The following CFAP251 variants were observed in gnomAD, a reference collection of about 807,000 sequenced individuals.
The protein encoded by CFAP251 is cilia and flagella associated protein 251.
A neutral mutation model predicts 126.7 loss-of-function variants in CFAP251; 93 were observed. That is an observed-to-expected ratio of 0.73 (90% CI 0.62 to 0.87). The LOEUF is 0.87. Among genes scored for constraint, CFAP251 ranks in the 40% least tolerant of loss-of-function variants. The pLI, the probability that CFAP251 is intolerant of heterozygous loss-of-function variation, is 0.00. For synonymous variants in CFAP251, 503 were observed against 506.9 expected (o/e 0.99, Z 0.10); for missense variants, 1,287 against 1,389.2 (o/e 0.93, Z 1.17).
At position 121,931,876 on chromosome 12, in the gene CFAP251, AC is replaced by A; in HGVS notation, c.880del (p.His294ThrfsTer32). 3 of 1,568,070 alleles carry A rather than the reference AC, an allele frequency of 1.9e-6. No individual in the cohort carries two copies. The highest frequency in any genetic ancestry group is 1.2e-5 in the South Asian group (1 of 83,176). ...TACAACGTGTTCAGGAACAATCAAT[AC>A]CACCTTCAGGTATGCAGGGATTTCC... is the stretch of plus-strand genomic sequence containing the variant. ...IIYNVFRNNQYHLQGHANIIS... is the reference protein window; with the variant it reads ...IIYNVFRNNQXHLQGHANIIS... On this transcript the variant is annotated frameshift_variant, in exon 4 of 22. Coordinates refer to ENST00000288912, the MANE Select transcript of CFAP251 (RefSeq NM_144668.6). LOFTEE classifies it high-confidence loss of function.
intron 10 of CFAP251, among the ~76,000 whole-genome samples, 155 bp downstream of exon 10, chr12:121,954,489 C>T (rs951230077): frequency 2.6e-5 from 4 of 151,470 alleles, no homozygotes; most frequent in Non-Finnish European, 5.9e-5. Context: ...TCAAGACCAG[C>T]CTGGGCAACA....
intron 17 of CFAP251, among the ~76,000 whole-genome samples, chr12:121,970,592 T>C (rs1443081044): frequency 6.6e-6 from 1 of 152,250 alleles, no homozygotes; most frequent in Non-Finnish European, 1.5e-5. Flanking sequence ...ACTGTATGGA[T>C]TGCTGGGTAC....
intron 17 of CFAP251, 61 bp from the exon 18 acceptor site, chr12:121,975,183 C>A: frequency 6.8e-7 from 1 of 1,460,706 alleles, no homozygotes; most frequent in Non-Finnish European, 9.6e-7. Flanking sequence ...TGCGGACCAC[C>A]TTCTGAGCCA....
chr12:121,994,451 G>A (rs1593008503), intron 19 of CFAP251, among the ~76,000 whole-genome samples: 1 of 98,246 alleles, frequency 1.0e-5, no homozygotes, highest in African/African-American at 3.5e-5. Flanking sequence ...CCCCGTCTGG[G>A]ACGTGTGCCC....
At chr12:121,966,826 C>T (rs889161947) in intron 15 of CFAP251, 129 bp from the exon 16 acceptor site, 19 of 710,568 alleles carry the variant, frequency 2.7e-5, no homozygotes, top group East Asian at 7.9e-5. Flanking sequence ...CCTTGTGATC[C>T]GCCTGCCTTG....
intron 1 of CFAP251, among the ~76,000 whole-genome samples, chr12:121,920,541 C>T (rs1310576925): frequency 4.6e-5 from 7 of 151,954 alleles, no homozygotes; most frequent in African/African-American, 7.2e-5. Context: ...GGACTACAGG[C>T]GCCCACCGCC....
intron 17 of CFAP251, chr12:121,971,511 G>A (rs1480683097): frequency 1.4e-6 from 1 of 702,190 alleles, no homozygotes; most frequent in East Asian, 2.7e-5. Flanking sequence ...CAGGGCCGGG[G>A]CCTGCACTGA....
intron 19 of CFAP251, among the ~76,000 whole-genome samples, chr12:121,982,531 A>G (rs1971955): frequency 0.82 from 124,707 of 152,048 alleles, 51,336 homozygotes; most frequent in Middle Eastern, 0.87. Flanking sequence ...GGCATGCGCC[A>G]TCTTGCCTGG....
At chr12:121,944,675 T>C (rs1313607293) in intron 7 of CFAP251, among the ~76,000 whole-genome samples, 1 of 152,358 alleles carries the variant, frequency 6.6e-6, no homozygotes, top group East Asian at 1.9e-4. Context: ...ATTTCTGTTT[T>C]AGATTGTTCA....
chr12:121,961,270 TCTCCCTCC>T (rs1039673502), intron 14 of CFAP251, among the ~76,000 whole-genome samples: 19 of 128,320 alleles, frequency 1.5e-4, no homozygotes, highest in Non-Finnish European at 2.4e-4. Context: ...TCTCCCCCTC[TCTCCCTCC>T]CTCCCTTCCT....
intron 3 of CFAP251, among the ~76,000 whole-genome samples, chr12:121,926,258 A>G (rs1388891656): frequency 1.3e-5 from 2 of 151,702 alleles, no homozygotes; most frequent in Non-Finnish European, 2.9e-5. Context: ...AGCTTATTGC[A>G]TGTATCTTCT....
rs1881628511 is a variant in CFAP251, at chr12:121,954,135, G to C, written c.1336G>C (p.Val446Leu). The change falls in exon 10 of 22, where the codon GTG becomes CTG. Residue 446 changes from valine to leucine, a missense_variant. Physicochemically the swap from Val to Leu is conservative, Grantham distance 32 (BLOSUM62 1). Transcript: ENST00000288912. Reference protein sequence around the residue: ...LLTEKTFNKLVGKFSQSIFHL... With the variant: ...LLTEKTFNKLLGKFSQSIFHL... ...TTTGAAACAGACCTTCAACAAGCTTGTGGGAAAGTTTAGCCAGTCCATCTT... is the reference window on the plus strand; with the variant it reads ...TTTGAAACAGACCTTCAACAAGCTTCTGGGAAAGTTTAGCCAGTCCATCTT... 2 of 1,614,006 alleles carry C rather than the reference G, an allele frequency of 1.2e-6. No individual in the cohort carries two copies. Among genetic ancestry groups the C allele is most frequent in the Non-Finnish European group, 1.7e-6 (2 of 1,179,976 alleles).
Position 121,921,491 on chromosome 12 carries a change from G to GGAGGAGGTGGAGAAA in CFAP251, c.193_194insTGGAGAAAGAGGAGG (p.Glu64_Glu65insValGluLysGluGlu), listed in dbSNP as rs1880172570. On this transcript the variant is annotated inframe_insertion, in exon 2 of 22. Transcript: ENST00000288912. ...AGAGGAAAACGGGCGAGGAGGAAGG[G>GGAGGAGGTGGAGAAA]GAGGAGGAGGGGAAGGAGGACAAAA... The GGAGGAGGTGGAGAAA allele has an allele frequency of 6.2e-7, 1 of 1,606,712 alleles. No individual in the cohort carries two copies. Among genetic ancestry groups the GGAGGAGGTGGAGAAA allele is most frequent in the Admixed American group, 1.7e-5 (1 of 59,080 alleles).
rs1881893256 is a variant in CFAP251, at chr12:121,960,469, C to T, written c.2134-116C>T. 14 of 1,119,542 alleles carry T rather than the reference C, an allele frequency of 1.3e-5. No individual in the cohort carries two copies. The South Asian group carries it at 1.5e-4, about 12-fold the overall frequency. The allele number at this position is 1,119,542 out of a possible 1,614,324, so 69.4% of individuals were successfully genotyped here. A position where few individuals can be genotyped will look rare whatever the true frequency, so the allele number is the denominator to read the frequency against. On this transcript the variant is annotated intron_variant, in intron 13 of 21. Transcript: ENST00000288912. ...CCGACCTCAGGTGATCCACCCGCCT[C>T]GGCCTCCCAAAGTGCTGGGATTACA...
At chr12:121,928,646 A>ATACG (rs1565902575) in intron 3 of CFAP251, among the ~76,000 whole-genome samples, 328 of 20,860 alleles carry the variant, frequency 0.016, 16 homozygotes, top group East Asian at 0.11. Flanking sequence ...ACGTATATAT[A>ATACG]TATATATATA....
chr12:121,928,689 CGT>C (rs1491326575), intron 3 of CFAP251, among the ~76,000 whole-genome samples: 3 of 20,702 alleles, frequency 1.4e-4, no homozygotes, highest in South Asian at 1.0e-3. Context: ...TATATATATA[CGT>C]ATATATATAT....
At chr12:121,971,038 C>G (rs1429802810) in intron 17 of CFAP251, among the ~76,000 whole-genome samples, 1 of 152,214 alleles carries the variant, frequency 6.6e-6, no homozygotes, top group Non-Finnish European at 1.5e-5. Flanking sequence ...AGGCTGTTCT[C>G]AGAGGACCAG....
Position 122,003,864 on chromosome 12 carries a change from C to G in CFAP251, c.*100C>G. On this transcript the variant is annotated 3_prime_UTR_variant, in exon 22 of 22. Transcript: ENST00000288912. ...ACTGCTTTTTATGCATTTCCCTCCCCCCTCTCATCTTTAGAACATTTAGAC... is the reference window on the plus strand; with the variant it reads ...ACTGCTTTTTATGCATTTCCCTCCCGCCTCTCATCTTTAGAACATTTAGAC... The G allele has an allele frequency of 1.1e-5, 9 of 819,088 alleles. No homozygotes were observed. Among genetic ancestry groups the G allele is most frequent in the Non-Finnish European group, 1.6e-5 (9 of 546,526 alleles). The allele number at this position is 819,088 out of a possible 1,614,324, so 50.7% of individuals were successfully genotyped here.
chr12:121,998,918 A>AAAG lies in CFAP251; in HGVS notation c.3007-798_3007-797insAAG, dbSNP rs1555221247. 540 of 141,456 alleles carry AAAG rather than the reference A, an allele frequency of 3.8e-3. 10 individuals carry two copies. Among genetic ancestry groups the AAAG allele is most frequent in the African/African-American group, 0.013 (502 of 37,244 alleles). The allele number at this position is 141,456 out of a possible 1,614,324, so 8.8% of individuals were successfully genotyped here. On this transcript the variant is annotated intron_variant, in intron 19 of 21. Transcript: ENST00000288912. The stretch of plus-strand genomic sequence containing the variant: ...AAAAAAAAAAAAAAAAAAAAAAAAA[A>AAAG]GGGGGAAGTGGTGAGAGTGGACATC...
Sources: allele counts gnomAD v4.1 joint callset (sites outside exome capture counted in the v4.1 genomes callset), GRCh38; gene constraint gnomAD v4.1.1; transcripts MANE v1.5; gene names NCBI Gene and HGNC (gene_info 2026-07-23, HGNC 2026-07-21).